Variants in MCF2L observed in about 807,000 individuals in gnomAD.
MCF2L encodes the protein guanine nucleotide exchange factor DBS.
A neutral mutation model predicts 153.4 loss-of-function variants in MCF2L; 97 were observed. The ratio of observed to expected loss-of-function variants is 0.63; its 90% CI spans 0.54 to 0.75. The LOEUF is 0.75. Among genes scored for constraint, MCF2L ranks in the 30% least tolerant of loss-of-function variants. MCF2L has a pLI of 0.00. For missense variants in MCF2L, 1,347 were observed against 1,495.2 expected, an observed-to-expected ratio of 0.90 and a Z score of 1.64; for synonymous variants, 659 against 632.2, an observed-to-expected ratio of 1.04 and a Z score of -0.64.
In MCF2L at chr13:113,099,377, A is replaced by C. The variant is rs2035833846; in HGVS notation, c.*2518A>C. On this transcript the variant is annotated 3_prime_UTR_variant, in exon 30 of 30. Coordinates refer to ENST00000535094, the MANE Select transcript of MCF2L (RefSeq NM_001112732.3). ...GAAGATCATTGAAACACTGTTTGGC[A>C]ATTTAAAAGCTTGTTTCTAACTCAC... 1 of 152,222 alleles carries C rather than the reference A, an allele frequency of 6.6e-6. No individual in the cohort carries two copies. The highest frequency in any genetic ancestry group is 1.5e-5 in the Non-Finnish European group (1 of 68,044). The allele number at this position is 152,222 out of a possible 1,614,324, so 9.4% of individuals were successfully genotyped here.
At chr13:112,922,925 A>G (rs75617503) in intron 2 of MCF2L, among the ~76,000 whole-genome samples, 150 of 152,370 alleles carry the variant, frequency 9.8e-4, no homozygotes, top group African/African-American at 3.4e-3. Flanking sequence ...TAATGCATAG[A>G]GAGAAATCAT....
intron 1 of MCF2L, among the ~76,000 whole-genome samples, chr13:112,984,912 C>T (rs368286066): frequency 7.9e-5 from 12 of 152,178 alleles, no homozygotes; most frequent in African/African-American, 2.6e-4. Flanking sequence ...CATTTGGGGC[C>T]GTGATCAGAT....
chr13:112,925,943 G>A (rs1281054316), intron 2 of MCF2L, among the ~76,000 whole-genome samples: 5 of 152,144 alleles, frequency 3.3e-5, no homozygotes, highest in Admixed American at 3.3e-4. Context: ...ATGAAAGGTT[G>A]CTATTTAATA....
intron 1 of MCF2L, among the ~76,000 whole-genome samples, chr13:112,898,436 G>A (rs937172943): frequency 5.3e-5 from 8 of 152,174 alleles, no homozygotes; most frequent in South Asian, 2.1e-4. Context: ...CACCATCCCC[G>A]TGAACCGAGC....
intron 21 of MCF2L, among the ~76,000 whole-genome samples, chr13:113,086,570 C>T (rs914911798): frequency 7.9e-5 from 12 of 152,274 alleles, no homozygotes; most frequent in African/African-American, 2.6e-4. Context: ...GGGGAGGAGG[C>T]GTGGCTCGGA....
intron 9 of MCF2L, among the ~76,000 whole-genome samples, chr13:113,073,865 A>G (rs965686365): frequency 2.6e-5 from 4 of 152,150 alleles, no homozygotes; most frequent in African/African-American, 9.7e-5. Flanking sequence ...CAGTGAGCCA[A>G]GATCACGCCA....
At chr13:112,988,764 G>A (rs1342336901) in intron 1 of MCF2L, among the ~76,000 whole-genome samples, 6 of 137,990 alleles carry the variant, frequency 4.3e-5, no homozygotes, top group African/African-American at 1.7e-4. Context: ...GCAGGGGATG[G>A]AGCTACCATG....
chr13:112,925,154 A>G (rs779945472), intron 2 of MCF2L, among the ~76,000 whole-genome samples: 1 of 152,226 alleles, frequency 6.6e-6, no homozygotes, highest in South Asian at 2.1e-4. Context: ...TGTGGTTGGC[A>G]TCATGATTCA....
chr13:112,936,543 G>C (rs566703654), intron 2 of MCF2L, among the ~76,000 whole-genome samples: 6 of 152,308 alleles, frequency 3.9e-5, no homozygotes, highest in African/African-American at 1.4e-4. Context: ...AGAAGGAGGT[G>C]ACAAGGGGTG....
chr13:112,932,043 G>T lies in MCF2L; in HGVS notation c.169+29672G>T, dbSNP rs1055245506. On this transcript the variant is annotated intron_variant, in intron 2 of 29. Coordinates refer to the MCF2L transcript ENST00000375608. This position sits in a 1 kb window ranked among gnomAD's most constrained non-coding sequence, Gnocchi z 4.6. ...CCATCCTTCATGTAGATGAGTTGTTGTCACGAGGGGAGCTCAGAACCCTAC... is the reference window on the plus strand; with the variant it reads ...CCATCCTTCATGTAGATGAGTTGTTTTCACGAGGGGAGCTCAGAACCCTAC... Among the ~76,000 whole-genome samples the T allele has an allele frequency of 6.6e-6, 1 of 152,322 alleles. No individual in the cohort carries two copies. The highest frequency in any genetic ancestry group is 2.4e-5 in the African/African-American group (1 of 41,570).
intron 2 of MCF2L, among the ~76,000 whole-genome samples, chr13:112,915,829 C>T (rs905796557): frequency 9.9e-5 from 15 of 152,096 alleles, no homozygotes; most frequent in Non-Finnish European, 1.9e-4. Context: ...TGTAATATCC[C>T]TATTCAATAT....
chr13:112,905,196 C>G (rs185885553), intron 2 of MCF2L, among the ~76,000 whole-genome samples: 1 of 152,306 alleles, frequency 6.6e-6, no homozygotes, highest in African/African-American at 2.4e-5. Flanking sequence ...CTCTTCTGGT[C>G]GCTGCAAGAG....
Position 112,983,178 on chromosome 13 carries a change from G to A in MCF2L, c.79+13720G>A, listed in dbSNP as rs950150593. Among the ~76,000 whole-genome samples the A allele has an allele frequency of 9.9e-5, 15 of 152,046 alleles. No homozygotes were observed. The highest frequency in any genetic ancestry group is 1.3e-4 in the Non-Finnish European group (9 of 68,002). On this transcript the variant is annotated intron_variant, in intron 1 of 29. Coordinates refer to ENST00000535094, the MANE Select transcript of MCF2L (RefSeq NM_001112732.3). This position sits in a 1 kb window ranked among gnomAD's most constrained non-coding sequence, Gnocchi z 4.0. ...CCTCAGGGTTTGTTGGAGGTGAGGGGGTAGCAGAGCCCCTCACACAGGTCT... is the reference window on the plus strand; with the variant it reads ...CCTCAGGGTTTGTTGGAGGTGAGGGAGTAGCAGAGCCCCTCACACAGGTCT...
rs149107908 is a variant in MCF2L at position 113,023,513 on chromosome 13, C to T, written c.164-1131C>T. Among the ~76,000 whole-genome samples the T allele has an allele frequency of 1.4e-4, 22 of 152,236 alleles. No individual in the cohort carries two copies. In the East Asian group the frequency reaches 3.3e-3, roughly 23 times the overall value. On this transcript the variant is annotated intron_variant, in intron 2 of 29. Transcript: ENST00000535094. ...GGGGCGCAAGGCGGCGGGGGACTGTCGCTGTTACGAGACAAAGCTGCAGTT... is the reference window on the plus strand; with the variant it reads ...GGGGCGCAAGGCGGCGGGGGACTGTTGCTGTTACGAGACAAAGCTGCAGTT...
chr13:112,997,602 C>CTGCCAA (rs2083193974), intron 1 of MCF2L, among the ~76,000 whole-genome samples: 1 of 152,270 alleles, frequency 6.6e-6, no homozygotes. Flanking sequence ...TCCCACCCCA[C>CTGCCAA]AGCCTGATGG....
In MCF2L at chr13:113,027,623, G is replaced by A. The variant is rs185384841; in HGVS notation, c.278+2865G>A. Among the ~76,000 whole-genome samples the A allele has an allele frequency of 5.3e-5, 8 of 152,302 alleles. No homozygotes were observed. Among genetic ancestry groups the A allele is most frequent in the Non-Finnish European group, 8.8e-5 (6 of 68,020 alleles). Reference sequence around the variant, plus strand: ...GTGCACGGAGGAGGGGCTGGGTCTCGGGCCGAGCGGCCGAGCTCCCTGAGG... The same window carrying A: ...GTGCACGGAGGAGGGGCTGGGTCTCAGGCCGAGCGGCCGAGCTCCCTGAGG... On this transcript the variant is annotated intron_variant, in intron 3 of 29. Coordinates refer to ENST00000535094, the MANE Select transcript of MCF2L (RefSeq NM_001112732.3). This position sits in a 1 kb window ranked among gnomAD's most constrained non-coding sequence, Gnocchi z 4.8.
intron 2 of MCF2L, among the ~76,000 whole-genome samples, chr13:112,963,673 G>A (rs535323590): frequency 6.6e-6 from 1 of 152,308 alleles, no homozygotes; most frequent in East Asian, 1.9e-4. Flanking sequence ...AGCGCCTGTG[G>A]GTGTGGCCTC....
intron 3 of MCF2L, among the ~76,000 whole-genome samples, chr13:113,033,313 GGCCCC>G: frequency 8.4e-6 from 1 of 119,756 alleles, no homozygotes; most frequent in African/African-American, 3.4e-5. Flanking sequence ...TGGCGTGAGT[GGCCCC>G]TGTGGCGTGA....
intron 2 of MCF2L, among the ~76,000 whole-genome samples, chr13:112,952,534 A>G (rs1462694204): frequency 6.6e-6 from 1 of 152,114 alleles, no homozygotes; most frequent in Non-Finnish European, 1.5e-5. Context: ...CAAAATGAGG[A>G]CCCCAAGGGT....
Sources: allele counts gnomAD v4.1 joint callset (sites outside exome capture counted in the v4.1 genomes callset), GRCh38; gene constraint gnomAD v4.1.1; non-coding constraint Gnocchi (gnomAD v3.1); transcripts MANE v1.5; gene names NCBI Gene and HGNC (gene_info 2026-07-23, HGNC 2026-07-21).